The following PPARG variants were observed in gnomAD, a reference collection of about 807,000 sequenced individuals.
The protein encoded by PPARG is peroxisome proliferator activated receptor gamma.
A neutral mutation model predicts 39.2 loss-of-function variants in PPARG; 17 were observed. The observed-to-expected ratio is 0.43, with a 90% CI of 0.30 to 0.65. The LOEUF (loss-of-function observed/expected upper bound fraction) is 0.65. Ranked by LOEUF, PPARG falls within the 30% of genes least tolerant of loss-of-function variation. The probability of loss-of-function intolerance (pLI) is 0.13; values close to 1 mark genes in which losing one functional copy is unlikely to be tolerated. For missense variants in PPARG, 406 were observed against 585.9 expected, an observed-to-expected ratio of 0.69 and a Z score of 3.17; for synonymous variants, 223 against 215.7, an observed-to-expected ratio of 1.03 and a Z score of -0.30.
At chr3:12,359,624 A>T (rs758948391) in intron 2 of PPARG, among the ~76,000 whole-genome samples, 48 of 151,470 alleles carry the variant, frequency 3.2e-4, no homozygotes, top group Non-Finnish European at 5.9e-4. Context: ...CAAGCCAAAT[A>T]TATCAGTTCT....
chr3:12,384,342 T>C (rs114196386), intron 4 of PPARG, among the ~76,000 whole-genome samples: 2,048 of 152,246 alleles, frequency 0.013, 56 homozygotes, highest in African/African-American at 0.047. Flanking sequence ...TAAACCCTGC[T>C]TCGGCTGGGG....
rs1482669120 is a variant in PPARG at position 12,421,821 on chromosome 3, C to A, written c.1180+4667C>A. 3.3e-5 allele frequency among the ~76,000 whole-genome samples: 5 copies of A among 152,310 alleles called. No individual in the cohort carries two copies. In the East Asian group the frequency reaches 9.7e-4, roughly 29 times the overall value. On this transcript the variant is annotated intron_variant, in intron 7 of 7. Coordinates refer to ENST00000651735, the MANE Select transcript of PPARG (RefSeq NM_138711.6). ...AGTCTGGCTTGGTGACGCAAACCAC[C>A]TCAAGGGCAGCTCCTTCTTTTTCCA...
chr3:12,404,134 T>G (rs1329552681), intron 5 of PPARG, among the ~76,000 whole-genome samples: 1 of 151,976 alleles, frequency 6.6e-6, no homozygotes, highest in Non-Finnish European at 1.5e-5. Flanking sequence ...GGGAACAGGA[T>G]TTTTGACCAA....
At chr3:12,341,054 A>G (rs931265420) in intron 2 of PPARG, among the ~76,000 whole-genome samples, 3 of 152,108 alleles carry the variant, frequency 2.0e-5, no homozygotes, top group Admixed American at 1.3e-4. Flanking sequence ...ATGGTGGCAC[A>G]TGCCTGTAGT....
chr3:12,379,903 G>A lies in PPARG; in HGVS notation c.192G>A (p.Lys64=). The A allele has an allele frequency of 6.2e-7, 1 of 1,611,710 alleles. No individual in the cohort carries two copies. The highest frequency in any genetic ancestry group is 8.5e-7 in the Non-Finnish European group (1 of 1,177,858). The change falls in exon 3 of 8, where the codon AAG becomes AAA. Residue 64 remains lysine, a synonymous_variant. Transcript: ENST00000651735. The stretch of plus-strand genomic sequence containing the variant: ...CAGATCCAGTGGTTGCAGATTACAA[G>A]TATGACCTGAAACTTCAAGAGTACC... ...TRTDPVVADY[K]YDLKLQEYQS... is the part of the protein sequence containing the mutation.
intron 2 of PPARG, among the ~76,000 whole-genome samples, chr3:12,328,511 A>G (rs904330055): frequency 6.6e-6 from 1 of 152,186 alleles, no homozygotes; most frequent in Non-Finnish European, 1.5e-5. Flanking sequence ...GGGGTGTGTG[A>G]TGAACTCCCA....
chr3:12,336,017 G>A (rs749125327), intron 2 of PPARG, among the ~76,000 whole-genome samples: 1 of 152,154 alleles, frequency 6.6e-6, no homozygotes, highest in Non-Finnish European at 1.5e-5. Flanking sequence ...TTTTTTGATA[G>A]TGCCCTCTTT....
intron 2 of PPARG, among the ~76,000 whole-genome samples, chr3:12,350,322 C>G (rs2048443326): frequency 6.6e-6 from 1 of 152,138 alleles, no homozygotes; most frequent in Admixed American, 6.5e-5. Flanking sequence ...CCGTGATGTT[C>G]AGACCCAGCC....
At chr3:12,296,964 G>GATTT (rs1377005082) in intron 1 of PPARG, among the ~76,000 whole-genome samples, 2 of 152,090 alleles carry the variant, frequency 1.3e-5, no homozygotes, top group East Asian at 3.8e-4. Context: ...GGATTGAAGA[G>GATTT]ATTTACACTC....
chr3:12,327,797 C>T lies in PPARG; in HGVS notation c.-9+15344C>T, dbSNP rs546323795. On this transcript the variant is annotated intron_variant, in intron 2 of 7. Coordinates refer to ENST00000651735, the MANE Select transcript of PPARG (RefSeq NM_138711.6). ...CCCAGGATTTTTCAGCCAAGGATGG[C>T]ACTTGCTTCTTTCAGCATCACTCAT... 3.9e-5 allele frequency among the ~76,000 whole-genome samples: 6 copies of T among 152,288 alleles called. 1 individual carries two copies. In the South Asian group the frequency reaches 1.2e-3, roughly 32 times the overall value.
At chr3:12,431,006 G>A (rs1215807887) in intron 7 of PPARG, among the ~76,000 whole-genome samples, 1 of 152,032 alleles carries the variant, frequency 6.6e-6, no homozygotes, top group African/African-American at 2.4e-5. Context: ...CATTAAAGGT[G>A]GGTAAAACTC....
intron 2 of PPARG, among the ~76,000 whole-genome samples, chr3:12,344,329 A>G (rs11128603): frequency 0.13 from 20,259 of 151,718 alleles, 1,417 homozygotes; most frequent in African/African-American, 0.17. Context: ...GATATATTCT[A>G]TAAGTTCAAA....
At chr3:12,387,621 T>A (rs1177223713) in intron 4 of PPARG, among the ~76,000 whole-genome samples, 1 of 152,200 alleles carries the variant, frequency 6.6e-6, no homozygotes, top group Non-Finnish European at 1.5e-5. Context: ...ATATTAGCCC[T>A]TTGTCAGATG....
intron 2 of PPARG, 130 bp downstream of exon 2, chr3:12,312,583 G>A (rs2047277169): frequency 6.6e-6 from 1 of 152,006 alleles, no homozygotes; most frequent in Non-Finnish European, 1.5e-5. Context: ...AATACTTTCT[G>A]CTATATAATT....
intron 1 of PPARG, among the ~76,000 whole-genome samples, chr3:12,304,373 A>G (rs1013842188): frequency 1.3e-5 from 2 of 152,212 alleles, no homozygotes; most frequent in Admixed American, 6.5e-5. Flanking sequence ...AGCTAGAATG[A>G]TCATAGGTTA....
chr3:12,289,155 T>G (rs1006239700), intron 1 of PPARG, 21 bp downstream of exon 1: 4 of 152,232 alleles, frequency 2.6e-5, no homozygotes, highest in African/African-American at 7.2e-5. Flanking sequence ...TCACTCTCAT[T>G]GCATTTTGTT....
chr3:12,325,353 G>A (rs765913337), intron 2 of PPARG, among the ~76,000 whole-genome samples: 13 of 152,176 alleles, frequency 8.5e-5, no homozygotes, highest in East Asian at 5.8e-4. Flanking sequence ...CCCAAGAGGC[G>A]GAGGTTGCAG....
At chr3:12,411,086 C>A (rs1575133667) in intron 6 of PPARG, among the ~76,000 whole-genome samples, 1 of 152,282 alleles carries the variant, frequency 6.6e-6, no homozygotes, top group South Asian at 2.1e-4. Context: ...ATAAATTCTT[C>A]TATTGCCAGG....
chr3:12,325,226 G>A (rs1020731467), intron 2 of PPARG, among the ~76,000 whole-genome samples: 2 of 152,096 alleles, frequency 1.3e-5, no homozygotes, highest in Non-Finnish European at 2.9e-5. Flanking sequence ...TTCAAGACCA[G>A]CCTGGCCAAC....
Sources: allele counts gnomAD v4.1 joint callset (sites outside exome capture counted in the v4.1 genomes callset), GRCh38; gene constraint gnomAD v4.1.1; transcripts MANE v1.5; gene names NCBI Gene and HGNC (gene_info 2026-07-23, HGNC 2026-07-21).